ZCWPW2: variants seen among roughly 807,000 people sequenced by gnomAD.
The protein encoded by ZCWPW2 is zinc finger CW-type and PWWP domain containing 2, also known as zinc finger CW-type PWWP domain protein 2.
ZCWPW2 carries 45 observed loss-of-function variants against 46.6 expected under a neutral mutation model. The ratio of observed to expected loss-of-function variants is 0.96; its 90% CI spans 0.76 to 1.24. The LOEUF is 1.24. ZCWPW2 is among the 50% of genes most tolerant of loss of function. The pLI is 0.00. For missense variants in ZCWPW2, 429 were observed against 403.9 expected (o/e 1.06, Z -0.53); for synonymous variants, 152 against 137.1 (o/e 1.11, Z -0.76).
intron 2 of ZCWPW2, 109 bp from the exon 3 acceptor site, chr3:28,412,947 G>T: frequency 1.3e-6 from 1 of 765,584 alleles, no homozygotes; most frequent in South Asian, 1.9e-5. Context: ...TAGAGAGGGG[G>T]TGGGCATAGA....
chr3:28,508,859 A>G (rs1700350040), intron 6 of ZCWPW2, among the ~76,000 whole-genome samples: 1 of 152,146 alleles, frequency 6.6e-6, no homozygotes, highest in Admixed American at 6.6e-5. Context: ...TCCGTTTTTT[A>G]AATTACAGAT....
chr3:28,439,090 C>T (rs75362654), intron 4 of ZCWPW2, among the ~76,000 whole-genome samples: 3 of 137,286 alleles, frequency 2.2e-5, no homozygotes, highest in African/African-American at 5.8e-5. Context: ...TATATATACA[C>T]ATATATACAC....
At chr3:28,502,097 G>C (rs532047526) in intron 6 of ZCWPW2, among the ~76,000 whole-genome samples, 2 of 152,188 alleles carry the variant, frequency 1.3e-5, no homozygotes, top group African/African-American at 4.8e-5. Context: ...TCCTTACAGA[G>C]CAGTATTAAA....
intron 6 of ZCWPW2, among the ~76,000 whole-genome samples, chr3:28,502,479 T>A (rs1371442826): frequency 6.6e-6 from 1 of 152,164 alleles, no homozygotes; most frequent in Non-Finnish European, 1.5e-5. Flanking sequence ...CCAAACTGCC[T>A]ACTTGTGGTT....
At position 28,348,889 on chromosome 3, in the gene ZCWPW2, C is replaced by A; in HGVS notation, c.-448C>A. The A allele has an allele frequency of 2.1e-6, 2 of 938,046 alleles. No homozygotes were observed. The highest frequency in any genetic ancestry group is 2.5e-6 in the Non-Finnish European group (2 of 786,722). The allele number at this position is 938,046 out of a possible 1,614,324, so 58.1% of individuals were successfully genotyped here. A position where few individuals can be genotyped will look rare whatever the true frequency, so the allele number is the denominator to read the frequency against. The stretch of plus-strand genomic sequence containing the variant: ...AAGGCCCGTTACCCAGCAATACGCG[C>A]GCGAGACCCAGGCCCGCCGTCGGGA... On this transcript the variant is annotated 5_prime_UTR_variant, in exon 1 of 10. Coordinates refer to ENST00000383768, the MANE Select transcript of ZCWPW2 (RefSeq NM_001040432.4).
chr3:28,405,989 T>G (rs1443752284), intron 2 of ZCWPW2, among the ~76,000 whole-genome samples: 1 of 152,208 alleles, frequency 6.6e-6, no homozygotes, highest in African/African-American at 2.4e-5. Context: ...TGTTATAATG[T>G]GGCAAAGAAC....
chr3:28,350,851 T>C (rs1478730767), intron 1 of ZCWPW2, among the ~76,000 whole-genome samples: 1 of 151,874 alleles, frequency 6.6e-6, no homozygotes, highest in East Asian at 1.9e-4. Flanking sequence ...TGTTAAGCTC[T>C]AAGAAAGAAA....
intron 6 of ZCWPW2, among the ~76,000 whole-genome samples, chr3:28,506,537 GC>G (rs1410735310): frequency 6.6e-6 from 1 of 151,970 alleles, no homozygotes; most frequent in Non-Finnish European, 1.5e-5. Context: ...TTGAATAGTG[GC>G]CCCAAAAAGA....
intron 2 of ZCWPW2, among the ~76,000 whole-genome samples, chr3:28,397,530 C>T (rs907015141): frequency 2.0e-5 from 3 of 152,096 alleles, no homozygotes; most frequent in African/African-American, 7.2e-5. Context: ...CTTAACTGGG[C>T]TTGGTGGCAA....
intron 3 of ZCWPW2, among the ~76,000 whole-genome samples, chr3:28,419,817 C>T (rs1338701510): frequency 1.0e-4 from 8 of 79,656 alleles, no homozygotes; most frequent in African/African-American, 3.6e-4. Flanking sequence ...AGCAAACTTT[C>T]GCAAGGACAA....
At chr3:28,485,785 A>T (rs578233315) in intron 5 of ZCWPW2, among the ~76,000 whole-genome samples, 39 of 152,112 alleles carry the variant, frequency 2.6e-4, no homozygotes, top group Admixed American at 6.6e-4. Context: ...GTTTAAAATG[A>T]TTATTTTTAA....
intron 1 of ZCWPW2, among the ~76,000 whole-genome samples, chr3:28,355,361 A>G (rs1704692125): frequency 6.6e-6 from 1 of 152,256 alleles, no homozygotes; most frequent in African/African-American, 2.4e-5. Flanking sequence ...GACGCAAATA[A>G]ATGGAGGAAC....
At chr3:28,384,455 A>G (rs1277290107) in intron 1 of ZCWPW2, among the ~76,000 whole-genome samples, 2 of 152,130 alleles carry the variant, frequency 1.3e-5, no homozygotes, top group African/African-American at 4.8e-5. Flanking sequence ...TTCACTTCAG[A>G]CTATGTATTC....
chr3:28,404,554 A>G (rs576551362), intron 2 of ZCWPW2, among the ~76,000 whole-genome samples: 1 of 152,184 alleles, frequency 6.6e-6, no homozygotes, highest in Non-Finnish European at 1.5e-5. Flanking sequence ...AAGTTATTAT[A>G]TGAAAAATGT....
At chr3:28,471,764 A>C (rs1204103936) in intron 4 of ZCWPW2, among the ~76,000 whole-genome samples, 4 of 152,174 alleles carry the variant, frequency 2.6e-5, no homozygotes, top group African/African-American at 4.8e-5. Context: ...AGGGCATCCA[A>C]ATTGGAAAGG....
intron 4 of ZCWPW2, among the ~76,000 whole-genome samples, chr3:28,470,845 T>C (rs888534744): frequency 6.6e-6 from 1 of 151,198 alleles, no homozygotes; most frequent in African/African-American, 2.4e-5. Context: ...CTAAAGAAAA[T>C]TGACAAACCT....
intron 5 of ZCWPW2, among the ~76,000 whole-genome samples, chr3:28,482,783 C>T (rs1699474804): frequency 6.6e-6 from 1 of 152,116 alleles, no homozygotes; most frequent in Non-Finnish European, 1.5e-5. Flanking sequence ...TACTTATTTG[C>T]CACCTTTCTA....
At chr3:28,406,350 TG>T (rs1696158354) in intron 2 of ZCWPW2, among the ~76,000 whole-genome samples, 2 of 152,312 alleles carry the variant, frequency 1.3e-5, no homozygotes, top group East Asian at 1.9e-4. Context: ...AATGGGAGAA[TG>T]ACCCTGCAGA....
chr3:28,422,116 T>G (rs941296457), intron 3 of ZCWPW2, among the ~76,000 whole-genome samples: 2 of 152,096 alleles, frequency 1.3e-5, no homozygotes, highest in Non-Finnish European at 2.9e-5. Flanking sequence ...GTATGTCCCT[T>G]TCTCCCTCTG....
Sources: allele counts gnomAD v4.1 joint callset (sites outside exome capture counted in the v4.1 genomes callset), GRCh38; gene constraint gnomAD v4.1.1; transcripts MANE v1.5; gene names NCBI Gene and HGNC (gene_info 2026-07-23, HGNC 2026-07-21).